MTIF3: variants seen among roughly 807,000 people sequenced by gnomAD.
MTIF3 encodes the protein mitochondrial translational initiation factor 3.
In MTIF3, 13 loss-of-function variants were observed where a neutral mutation model predicts 20.7. That is an observed-to-expected ratio of 0.63 (90% CI 0.41 to 1.00). MTIF3 has a LOEUF of 1.00. Ranked by LOEUF, MTIF3 falls within the 50% of genes least tolerant of loss-of-function variation. The pLI, the probability that MTIF3 is intolerant of heterozygous loss-of-function variation, is 0.00. For synonymous variants in MTIF3, 114 were observed against 112.5 expected (o/e 1.01, Z -0.08); for missense variants, 295 against 324.5 (o/e 0.91, Z 0.70).
chr13:27,442,978 A>G (rs541769466), intron 2 of MTIF3, among the ~76,000 whole-genome samples: 3 of 152,364 alleles, frequency 2.0e-5, no homozygotes, highest in East Asian at 1.9e-4. Flanking sequence ...AGCCTGGCTC[A>G]GCATGCACAT....
At chr13:27,437,012 A>T in intron 4 of MTIF3, 104 bp downstream of exon 4, 1 of 1,242,492 alleles carries the variant, frequency 8.0e-7, no homozygotes, top group African/African-American at 1.5e-5. Context: ...TGGCCTCCCA[A>T]AATGCTGGGA....
At chr13:27,443,931 A>G (rs1451864960) in intron 2 of MTIF3, among the ~76,000 whole-genome samples, 1 of 152,212 alleles carries the variant, frequency 6.6e-6, no homozygotes, top group Admixed American at 6.5e-5. Flanking sequence ...CTATTTCAGA[A>G]AAATGACGTA....
Position 27,440,196 on chromosome 13 carries a change from GCTGA to G in MTIF3, c.249_252del (p.Gln84GlufsTer21), listed in dbSNP as rs768309570. The stretch of plus-strand genomic sequence containing the variant: ...TTCTCATCAAATAAGTGAATAACTC[GCTGA>G]CTAATTTTTCTTCCAACGTTACTAA... On this transcript the variant is annotated frameshift_variant, in exon 3 of 5. Transcript: ENST00000381120. LOFTEE classifies it high-confidence loss of function. 8 of 1,613,960 alleles carry G rather than the reference GCTGA, an allele frequency of 5.0e-6. No homozygotes were observed. The East Asian group carries it at 6.7e-5, about 13-fold the overall frequency.
intron 1 of MTIF3, among the ~76,000 whole-genome samples, chr13:27,448,491 G>T (rs1379748999): frequency 1.3e-5 from 2 of 152,180 alleles, no homozygotes; most frequent in African/African-American, 2.4e-5. Flanking sequence ...CAGAGGGCCT[G>T]CGCTACCGTT....
intron 3 of MTIF3, among the ~76,000 whole-genome samples, chr13:27,437,860 TTAAAAC>T (rs1281278410): frequency 6.6e-6 from 1 of 151,960 alleles, no homozygotes; most frequent in African/African-American, 2.4e-5. Context: ...AAATACAACT[TTAAAAC>T]AAACAGAAGA....
intron 1 of MTIF3, chr13:27,449,883 C>G (rs1375560454): frequency 6.6e-6 from 1 of 152,210 alleles, no homozygotes; most frequent in Non-Finnish European, 1.5e-5. Flanking sequence ...AAGAGAACTT[C>G]GTTTACTTGG....
At chr13:27,447,846 C>T (rs1339813379) in intron 1 of MTIF3, among the ~76,000 whole-genome samples, 1 of 152,150 alleles carries the variant, frequency 6.6e-6, no homozygotes, top group Admixed American at 6.5e-5. Flanking sequence ...TACCTTGTTC[C>T]TTTTTATTTC....
chr13:27,435,937 T>C, intron 4 of MTIF3, 44 bp from the exon 5 acceptor site: 1 of 1,507,346 alleles, frequency 6.6e-7, no homozygotes, highest in South Asian at 1.1e-5. Context: ...AATCAGAGGC[T>C]TTGGTGCTTT....
At chr13:27,436,768 T>TTTC (rs1466559760) in intron 4 of MTIF3, among the ~76,000 whole-genome samples, 1 of 133,688 alleles carries the variant, frequency 7.5e-6, no homozygotes, top group Non-Finnish European at 1.7e-5. Flanking sequence ...TTTTTTTTTT[T>TTTC]TGAGACGGAG....
At chr13:27,445,995 TGA>T (rs1316820649) in intron 1 of MTIF3, among the ~76,000 whole-genome samples, 7 of 152,114 alleles carry the variant, frequency 4.6e-5, no homozygotes, top group Admixed American at 2.0e-4. Context: ...ATGTTGGGAA[TGA>T]GGGGAAAATC....
intron 1 of MTIF3, among the ~76,000 whole-genome samples, chr13:27,448,544 T>C (rs1053864654): frequency 3.3e-5 from 5 of 152,182 alleles, no homozygotes; most frequent in African/African-American, 9.7e-5. Flanking sequence ...GGTTTTGCTC[T>C]TCCATAGGGA....
chr13:27,435,986 T>C, intron 4 of MTIF3, 93 bp from the exon 5 acceptor site: 2 of 961,524 alleles, frequency 2.1e-6, no homozygotes, highest in Non-Finnish European at 1.6e-6. Flanking sequence ...ACTGGCACCC[T>C]TGAATTGCTG....
chr13:27,438,289 A>G (rs1953858686), intron 3 of MTIF3, among the ~76,000 whole-genome samples: 1 of 125,310 alleles, frequency 8.0e-6, no homozygotes, highest in Admixed American at 1.0e-4. Context: ...GGAGTTCAAG[A>G]CCTGAGCAAC....
At chr13:27,448,687 T>C (rs1409215697) in intron 1 of MTIF3, among the ~76,000 whole-genome samples, 1 of 152,228 alleles carries the variant, frequency 6.6e-6, no homozygotes. Context: ...TAAATTGAAA[T>C]AATAACCATA....
intron 3 of MTIF3, among the ~76,000 whole-genome samples, chr13:27,439,529 A>C (rs1025864716): frequency 6.6e-6 from 1 of 152,180 alleles, no homozygotes; most frequent in South Asian, 2.1e-4. Context: ...ATAATTAACC[A>C]AACACCTCCA....
chr13:27,441,395 C>T (rs1953998992), intron 2 of MTIF3: 1 of 152,246 alleles, frequency 6.6e-6, no homozygotes. Flanking sequence ...AAAGGGACCT[C>T]TCCAGGAAGG....
chr13:27,436,745 A>ATTTTTTTTTTTT (rs66903644), intron 4 of MTIF3, among the ~76,000 whole-genome samples: 3 of 90,192 alleles, frequency 3.3e-5, no homozygotes, highest in African/African-American at 4.8e-5. Flanking sequence ...ATTTTCTACA[A>ATTTTTTTTTTTT]TTTTTTTTTT....
At chr13:27,443,322 C>T (rs901665361) in intron 2 of MTIF3, among the ~76,000 whole-genome samples, 9 of 151,966 alleles carry the variant, frequency 5.9e-5, no homozygotes, top group Admixed American at 5.9e-4. Flanking sequence ...AGGAAGCCCC[C>T]AAACCAAAAA....
intron 4 of MTIF3, 95 bp from the exon 5 acceptor site, chr13:27,435,988 G>T: frequency 1.1e-6 from 1 of 934,606 alleles, no homozygotes; most frequent in South Asian, 1.5e-5. Flanking sequence ...TGGCACCCTT[G>T]AATTGCTGCT....
Sources: gnomAD v4.1 joint callset for allele counts (sites outside exome capture counted in the v4.1 genomes callset) on GRCh38, gnomAD v4.1.1 for gene constraint, MANE v1.5 for transcripts, NCBI Gene and HGNC (gene_info 2026-07-23, HGNC 2026-07-21) for gene names.